The following GLIPR1 variants were observed in gnomAD, a reference collection of about 807,000 sequenced individuals.
GLIPR1 encodes glioma pathogenesis-related protein 1.
Under a neutral mutation model 30.3 loss-of-function variants are expected in GLIPR1, and 38 were observed. That is an observed-to-expected ratio of 1.26 (90% confidence interval 0.97 to 1.65). The LOEUF (loss-of-function observed/expected upper bound fraction) is 1.65, where lower values mean the gene tolerates loss of function less well. Among genes scored for constraint, GLIPR1 ranks in the 40% most tolerant of loss-of-function variants. The pLI is 0.00. For synonymous variants in GLIPR1, 122 were observed against 110.6 expected (o/e 1.10, Z -0.65); for missense variants, 285 against 326.5 (o/e 0.87, Z 0.98).
chr12:75,485,651 C>T (rs1237998185), intron 2 of GLIPR1, among the ~76,000 whole-genome samples: 1 of 149,840 alleles, frequency 6.7e-6, no homozygotes, highest in African/African-American at 2.4e-5. Context: ...CCCGGGTTCA[C>T]GCCATTCTCC....
chr12:75,483,891 CTG>C (rs1566095266), intron 2 of GLIPR1: 1 of 152,138 alleles, frequency 6.6e-6, no homozygotes, highest in Non-Finnish European at 1.5e-5. Context: ...GGTCAAAAGA[CTG>C]TAAAATTGAC....
intron 3 of GLIPR1, chr12:75,491,737 C>G (rs1315268349): frequency 1.3e-5 from 2 of 152,000 alleles, no homozygotes; most frequent in African/African-American, 4.8e-5. Flanking sequence ...TATTTATATT[C>G]CTTTTTCTGT....
In GLIPR1 at chr12:75,500,895, A is replaced by T. The variant is rs1423515440; in HGVS notation, c.*1917A>T. 2 of 152,102 alleles carry T rather than the reference A, an allele frequency of 1.3e-5. No homozygotes were observed. Among genetic ancestry groups the T allele is most frequent in the Non-Finnish European group, 2.9e-5 (2 of 67,990 alleles). 9.4% of individuals were successfully genotyped at this position (152,102 alleles called of 1,614,324 possible). On this transcript the variant is annotated 3_prime_UTR_variant, in exon 6 of 6. Transcript: ENST00000266659. ...AGCACTCAACTGACAGGTTTTACAGACTGGAAATTATAATACTTATGACAT... is the reference window on the plus strand; with the variant it reads ...AGCACTCAACTGACAGGTTTTACAGTCTGGAAATTATAATACTTATGACAT...
rs780056814 is a variant in GLIPR1 at position 75,481,005 on chromosome 12, A to G, written c.125A>G (p.Asn42Ser). 6.2e-7 allele frequency: 1 copy of G among 1,613,890 alleles called. No individual in the cohort carries two copies. Among genetic ancestry groups the G allele is most frequent in the African/African-American group, 1.3e-5 (1 of 74,932 alleles). Residue 42 changes from asparagine (N) to serine (S), a missense_variant, in exon 1 of 6, where the codon AAC (asparagine) becomes AGC (serine). Physicochemically the swap from Asn to Ser is conservative, Grantham distance 46. Coordinates refer to ENST00000266659, the MANE Select transcript of GLIPR1 (RefSeq NM_006851.3). Reference sequence around the variant, plus strand: ...ATCAAAGACTGCGTTCGAATCCATAACAAGTTCCGATCAGAGGTGAAACCA... The same window carrying G: ...ATCAAAGACTGCGTTCGAATCCATAGCAAGTTCCGATCAGAGGTGAAACCA... Reference protein sequence around the residue: ...DFIKDCVRIHNKFRSEVKPTA... With the variant: ...DFIKDCVRIHSKFRSEVKPTA...
intron 2 of GLIPR1, among the ~76,000 whole-genome samples, chr12:75,490,187 ATCT>A (rs918198862): frequency 1.0e-4 from 12 of 119,314 alleles, no homozygotes; most frequent in South Asian, 9.2e-4. Flanking sequence ...GTCAAAAATT[ATCT>A]TATTTCACAC....
At chr12:75,487,916 G>A in intron 2 of GLIPR1, 1 of 338,818 alleles carries the variant, frequency 3.0e-6, no homozygotes, top group South Asian at 2.3e-5. Context: ...CCATTTTTAT[G>A]GTTATTTCTT....
intron 2 of GLIPR1, among the ~76,000 whole-genome samples, 161 bp from the exon 3 acceptor site, chr12:75,490,245 G>A (rs899995720): frequency 7.1e-6 from 1 of 141,246 alleles, no homozygotes; most frequent in Non-Finnish European, 1.5e-5. Context: ...CCCAATAATG[G>A]TAACTACAGG....
At position 75,500,640 on chromosome 12, in the gene GLIPR1, A is replaced by G. The variant is rs1341257896; in HGVS notation, c.*1662A>G. ...AGTGTGTGGAAGTCCCCCTAATAGA[A>G]GCCAACTATCTAATCAATGCCAAAA... On this transcript the variant is annotated 3_prime_UTR_variant, in exon 6 of 6. Transcript: ENST00000266659. The G allele has an allele frequency of 6.6e-6, 1 of 151,914 alleles. No homozygotes were observed. The highest frequency in any genetic ancestry group is 1.5e-5 in the Non-Finnish European group (1 of 67,958). The allele number at this position is 151,914 out of a possible 1,614,324, so 9.4% of individuals were successfully genotyped here.
Position 75,499,766 on chromosome 12 carries a change from C to CTT in GLIPR1, c.*790_*791dup, listed in dbSNP as rs745877885. 3.4e-6 allele frequency: 5 copies of CTT among 1,484,092 alleles called. No homozygotes were observed. The African/African-American group carries it at 5.8e-5, about 17-fold the overall frequency. The allele number at this position is 1,484,092 out of a possible 1,614,324, so 91.9% of individuals were successfully genotyped here. On this transcript the variant is annotated 3_prime_UTR_variant, in exon 6 of 6. Transcript: ENST00000266659. ...AACTAATGCCTGATATCTCAAAATC[C>CTT]TTTACAAAAGGAGATAGTTCTAGTC...
At chr12:75,486,870 C>A (rs192022275) in intron 2 of GLIPR1, among the ~76,000 whole-genome samples, 2 of 152,106 alleles carry the variant, frequency 1.3e-5, no homozygotes, top group East Asian at 3.8e-4. Flanking sequence ...TATTCTATAT[C>A]TTGAATGTGG....
intron 3 of GLIPR1, chr12:75,493,984 G>A (rs2046336606): frequency 6.6e-6 from 1 of 152,142 alleles, no homozygotes; most frequent in Non-Finnish European, 1.5e-5. Context: ...TTAATACTGT[G>A]CTTATTAACA....
rs1426429158 is a variant in GLIPR1 at position 75,499,078 on chromosome 12, C to T, written c.*100C>T. 3 of 711,318 alleles carry T rather than the reference C, an allele frequency of 4.2e-6. No individual in the cohort carries two copies. The allele number at this position is 711,318 out of a possible 1,614,324, so 44.1% of individuals were successfully genotyped here. ...GGTGTACTTCTATTTTAAAACATTT[C>T]AGAAAAAAATATATGTTATAGCAAT... On this transcript the variant is annotated 3_prime_UTR_variant, in exon 6 of 6. Coordinates refer to ENST00000266659, the MANE Select transcript of GLIPR1 (RefSeq NM_006851.3).
At chr12:75,497,538 A>G (rs931024341) in intron 4 of GLIPR1, 6 of 152,224 alleles carry the variant, frequency 3.9e-5, no homozygotes, top group Admixed American at 6.5e-5. Flanking sequence ...CTTACTTGAA[A>G]GTATTCTACT....
At position 75,499,787 on chromosome 12, in the gene GLIPR1, T is replaced by C. The variant is rs1388567456; in HGVS notation, c.*809T>C. On this transcript the variant is annotated 3_prime_UTR_variant, in exon 6 of 6. Coordinates refer to ENST00000266659, the MANE Select transcript of GLIPR1 (RefSeq NM_006851.3). Reference sequence around the variant, plus strand: ...AATCCTTTACAAAAGGAGATAGTTCTAGTCAAGGAGTTTTGGGTATGTTAC... The same window carrying C: ...AATCCTTTACAAAAGGAGATAGTTCCAGTCAAGGAGTTTTGGGTATGTTAC... 6.4e-7 allele frequency: 1 copy of C among 1,572,422 alleles called. No homozygotes were observed. The highest frequency in any genetic ancestry group is 1.2e-5 in the South Asian group (1 of 84,688).
chr12:75,482,430 A>G (rs2046275546), intron 2 of GLIPR1, among the ~76,000 whole-genome samples: 2 of 152,180 alleles, frequency 1.3e-5, no homozygotes, highest in African/African-American at 4.8e-5. Context: ...ATTTGAGCCA[A>G]TTGTTTTGGG....
intron 3 of GLIPR1, chr12:75,493,944 T>G (rs1431515402): frequency 2.0e-5 from 3 of 152,184 alleles, no homozygotes; most frequent in Non-Finnish European, 4.4e-5. Context: ...ATAAATGACT[T>G]TATTAAAATC....
At chr12:75,490,233 A>ACACACACACACCCC (rs1173000975) in intron 2 of GLIPR1, among the ~76,000 whole-genome samples, 173 bp from the exon 3 acceptor site, 3 of 145,286 alleles carry the variant, frequency 2.1e-5, no homozygotes, top group African/African-American at 7.7e-5. Flanking sequence ...ACACACACAC[A>ACACACACACACCCC]CCCCAATAAT....
chr12:75,499,564 T>C lies in GLIPR1; in HGVS notation c.*586T>C, dbSNP rs889185938. The C allele has an allele frequency of 2.1e-5, 5 of 236,380 alleles. No homozygotes were observed. The South Asian group carries it at 3.9e-4, about 18-fold the overall frequency. 14.6% of individuals were successfully genotyped at this position (236,380 alleles called of 1,614,324 possible). ...ATTACTAACCAATAGCATCAGACAC[T>C]GGATTTAATGGATAATCACAATGGT... On this transcript the variant is annotated 3_prime_UTR_variant, in exon 6 of 6. Transcript: ENST00000266659.
At chr12:75,495,835 A>C in intron 4 of GLIPR1, 173 bp downstream of exon 4, 1 of 437,756 alleles carries the variant, frequency 2.3e-6, no homozygotes, top group Non-Finnish European at 4.2e-6. Context: ...AGAGAAATTT[A>C]AATGTGAAAA....
Sources: gnomAD v4.1 joint callset for allele counts (sites outside exome capture counted in the v4.1 genomes callset) on GRCh38, gnomAD v4.1.1 for gene constraint, MANE v1.5 for transcripts, NCBI Gene and HGNC (gene_info 2026-07-23, HGNC 2026-07-21) for gene names.